LRMDA: variants seen among roughly 807,000 people sequenced by gnomAD.
LRMDA encodes leucine-rich melanocyte differentiation-associated protein.
In LRMDA, 18 loss-of-function variants were observed where a neutral mutation model predicts 29.8. The observed-to-expected ratio is 0.60, with a 90% confidence interval of 0.42 to 0.90. The LOEUF (loss-of-function observed/expected upper bound fraction) is 0.90, where lower values mean the gene tolerates loss of function less well. LRMDA is among the 40% of genes least tolerant of loss of function. The probability of loss-of-function intolerance (pLI) is 0.00; values close to 1 mark genes in which losing one functional copy is unlikely to be tolerated. For missense variants in LRMDA, 273 were observed against 273.9 expected (o/e 1.00, Z 0.02); for synonymous variants, 125 against 109.4 (o/e 1.14, Z -0.89).
intron 5 of LRMDA, among the ~76,000 whole-genome samples, chr10:76,147,312 T>A (rs1850344927): frequency 6.6e-6 from 1 of 152,182 alleles, no homozygotes; most frequent in Non-Finnish European, 1.5e-5. Flanking sequence ...CCCGTCACTT[T>A]CAGGTACACC....
In LRMDA at chr10:75,443,759, A is replaced by G. The variant is rs1253491996; in HGVS notation, c.131+5265A>G. On this transcript the variant is annotated intron_variant, in intron 2 of 6. Coordinates refer to ENST00000611255, the MANE Select transcript of LRMDA (RefSeq NM_001305581.2). ...AATTTTTTGTAAGTGTTTGAGAAGG[A>G]TTGATGTTAATTCTTTAAATGTTTG... Among the ~76,000 whole-genome samples the G allele has an allele frequency of 3.3e-5, 5 of 152,236 alleles. No homozygotes were observed. In the East Asian group the frequency reaches 9.6e-4, roughly 29 times the overall value.
chr10:75,728,722 T>A (rs1412090733), intron 2 of LRMDA, among the ~76,000 whole-genome samples: 1 of 152,132 alleles, frequency 6.6e-6, no homozygotes, highest in Non-Finnish European at 1.5e-5. Flanking sequence ...TCAGGTGTTC[T>A]AATATGCAGG....
chr10:76,228,775 T>C (rs1266417599), intron 5 of LRMDA, among the ~76,000 whole-genome samples: 1 of 152,204 alleles, frequency 6.6e-6, no homozygotes, highest in African/African-American at 2.4e-5. Flanking sequence ...TCCAGAATAA[T>C]GGCTGACAAT....
At chr10:76,024,985 C>G (rs1038248626) in intron 2 of LRMDA, among the ~76,000 whole-genome samples, 1 of 152,180 alleles carries the variant, frequency 6.6e-6, no homozygotes, top group African/African-American at 2.4e-5. Context: ...CTGCGGTACA[C>G]CGTGTCCACT....
chr10:76,387,872 T>G (rs970567834), intron 6 of LRMDA, among the ~76,000 whole-genome samples: 1 of 152,156 alleles, frequency 6.6e-6, no homozygotes, highest in Non-Finnish European at 1.5e-5. Context: ...TTGAAGAAGT[T>G]CACTGAAATA....
At chr10:76,495,270 A>G (rs1380577203) in intron 6 of LRMDA, among the ~76,000 whole-genome samples, 1 of 151,840 alleles carries the variant, frequency 6.6e-6, no homozygotes, top group Non-Finnish European at 1.5e-5. Flanking sequence ...ATTGTAAACT[A>G]TCTTTCTCTT....
At chr10:76,516,479 T>G (rs1174438339) in intron 6 of LRMDA, among the ~76,000 whole-genome samples, 2 of 152,140 alleles carry the variant, frequency 1.3e-5, no homozygotes, top group Non-Finnish European at 2.9e-5. Flanking sequence ...TATCTCCTAA[T>G]GCTATCCCTC....
In LRMDA at chr10:76,557,237, C is replaced by A. The variant is rs530212983; in HGVS notation, c.630C>A (p.Tyr210Ter). 6.2e-7 allele frequency: 1 copy of A among 1,614,090 alleles called. No individual in the cohort carries two copies. The highest frequency in any genetic ancestry group is 1.7e-5 in the Admixed American group (1 of 60,010). ...QGVLGKCRYV[Y>*]YGKNSEGNRF... ...TCCTGGGGAAGTGTCGCTACGTTTA[C>A]TATGGGAAAAACTCAGAGGGCAACA... The change falls in exon 7 of 7, where the codon TAC (tyrosine) becomes TAA (stop). Residue 210 changes from tyrosine to a stop codon, truncating the protein, a stop_gained. Coordinates refer to ENST00000611255, the MANE Select transcript of LRMDA (RefSeq NM_001305581.2). LOFTEE classifies it high-confidence loss of function.
At chr10:75,543,326 C>T (rs1381391499) in intron 2 of LRMDA, among the ~76,000 whole-genome samples, 2 of 152,088 alleles carry the variant, frequency 1.3e-5, no homozygotes, top group Non-Finnish European at 2.9e-5. Flanking sequence ...TTATATAAGC[C>T]CTGTAGTGCC....
chr10:76,067,230 C>G (rs550551009), intron 5 of LRMDA, among the ~76,000 whole-genome samples: 1 of 152,114 alleles, frequency 6.6e-6, no homozygotes, highest in Non-Finnish European at 1.5e-5. Context: ...TTCACTGTCT[C>G]GTTTTAAGGA....
chr10:76,451,814 C>T (rs1322890635), intron 6 of LRMDA, among the ~76,000 whole-genome samples: 2 of 151,900 alleles, frequency 1.3e-5, no homozygotes, highest in Non-Finnish European at 2.9e-5. Context: ...TGTGCCACCA[C>T]ACCCAGCAAA....
chr10:75,782,329 T>G (rs1371417726), intron 2 of LRMDA, among the ~76,000 whole-genome samples: 2 of 152,190 alleles, frequency 1.3e-5, no homozygotes, highest in African/African-American at 4.8e-5. Flanking sequence ...AAGGTCTAAA[T>G]TCACCTGAAA....
intron 5 of LRMDA, among the ~76,000 whole-genome samples, chr10:76,163,618 G>A (rs1850686551): frequency 6.6e-6 from 1 of 152,072 alleles, no homozygotes; most frequent in African/African-American, 2.4e-5. Context: ...GACCCTTGTT[G>A]CTTTAAGGAA....
chr10:75,895,966 G>A (rs986636248), intron 2 of LRMDA, among the ~76,000 whole-genome samples: 2 of 152,106 alleles, frequency 1.3e-5, no homozygotes, highest in African/African-American at 2.4e-5. Flanking sequence ...CTGTGACCTA[G>A]GGCAGTTTGC....
rs1848765600 is a variant in LRMDA, at chr10:76,065,320, G to A, written c.516+6537G>A. Among the ~76,000 whole-genome samples the A allele has an allele frequency of 1.3e-5, 2 of 152,226 alleles. 1 individual carries two copies. The highest frequency in any genetic ancestry group is 4.1e-4 in the South Asian group (2 of 4,836). ...AAATAGAGCACTGCAGGAAAGCCAT[G>A]TCTCTGGTGTGCTGGTGAAACCAAA... is the stretch of plus-strand genomic sequence containing the variant. On this transcript the variant is annotated intron_variant, in intron 5 of 6. Transcript: ENST00000611255.
chr10:76,512,177 A>G (rs1843015013), intron 6 of LRMDA, among the ~76,000 whole-genome samples: 1 of 152,164 alleles, frequency 6.6e-6, no homozygotes, highest in African/African-American at 2.4e-5. Flanking sequence ...CCACTATGTA[A>G]GAAGTGCCTT....
At position 76,271,686 on chromosome 10, in the gene LRMDA, G is replaced by A. The variant is rs533868555; in HGVS notation, c.517-52715G>A. Among the ~76,000 whole-genome samples, 31 of 152,228 alleles carry A rather than the reference G, an allele frequency of 2.0e-4. 1 individual carries two copies. The highest frequency in any genetic ancestry group is 3.5e-4 in the Non-Finnish European group (24 of 68,002). On this transcript the variant is annotated intron_variant, in intron 5 of 6. Transcript: ENST00000611255. Reference sequence around the variant, plus strand: ...ATTGCATAGCTGTGGATATATACACGATTATGTGGATGTTACAGAACCTAA... The same window carrying A: ...ATTGCATAGCTGTGGATATATACACAATTATGTGGATGTTACAGAACCTAA...
intron 2 of LRMDA, among the ~76,000 whole-genome samples, chr10:75,706,054 C>T (rs1842362172): frequency 6.6e-6 from 1 of 152,136 alleles, no homozygotes; most frequent in Admixed American, 6.5e-5. Context: ...AAAATGACAG[C>T]CAAGTGTCAA....
chr10:75,738,043 C>G lies in LRMDA; in HGVS notation c.132-297965C>G, dbSNP rs139477023. ...GCCATTTTTACAAGCTGTCAAGAAA[C>G]GATGTTCATAGAAACTTCCACTTTT... On this transcript the variant is annotated intron_variant, in intron 2 of 6. Transcript: ENST00000611255. 7.9e-4 allele frequency among the ~76,000 whole-genome samples: 121 copies of G among 152,270 alleles called. 2 individuals carry two copies. In the East Asian group the frequency reaches 0.02, roughly 25 times the overall value.
Sources: gnomAD v4.1 joint callset for allele counts (sites outside exome capture counted in the v4.1 genomes callset) on GRCh38, gnomAD v4.1.1 for gene constraint, MANE v1.5 for transcripts, NCBI Gene and HGNC (gene_info 2026-07-23, HGNC 2026-07-21) for gene names.